TEAD1: variants seen among roughly 807,000 people sequenced by gnomAD.
The protein encoded by TEAD1 is transcriptional enhancer factor TEF-1.
Under a neutral mutation model 54.9 loss-of-function variants are expected in TEAD1, and 9 were observed. The observed-to-expected ratio is 0.16, with a 90% CI of 0.10 to 0.29. The LOEUF (loss-of-function observed/expected upper bound fraction) is 0.29, where lower values mean the gene tolerates loss of function less well. Among genes scored for constraint, TEAD1 ranks in the 10% least tolerant of loss-of-function variants. TEAD1 has a pLI of 1.00. For missense variants in TEAD1, 387 were observed against 535.9 expected (o/e 0.72, Z 2.74); for synonymous variants, 200 against 187.8 (o/e 1.07, Z -0.53).
intron 2 of TEAD1, among the ~76,000 whole-genome samples, chr11:12,763,799 T>A (rs117062206): frequency 8.9e-4 from 135 of 152,364 alleles, no homozygotes; most frequent in Non-Finnish European, 1.4e-3. Context: ...GGTTTTCGTA[T>A]GAATCACTGC....
intron 12 of TEAD1, among the ~76,000 whole-genome samples, chr11:12,931,641 T>C (rs530614268): frequency 2.0e-5 from 3 of 152,348 alleles, no homozygotes; most frequent in Non-Finnish European, 1.5e-5. Flanking sequence ...TTTATACCTT[T>C]TACCTATTTC....
chr11:12,810,606 G>A (rs1376789693), intron 3 of TEAD1, among the ~76,000 whole-genome samples: 1 of 152,036 alleles, frequency 6.6e-6, no homozygotes, highest in Non-Finnish European at 1.5e-5. Context: ...GTGACTTGAA[G>A]GTTCTGGTCT....
intron 2 of TEAD1, among the ~76,000 whole-genome samples, chr11:12,715,689 G>A (rs748866354): frequency 6.6e-6 from 1 of 152,068 alleles, no homozygotes; most frequent in Non-Finnish European, 1.5e-5. Flanking sequence ...TTGGGTTGTA[G>A]ATGGGCTTAT....
chr11:12,816,660 C>T (rs1377654944), intron 3 of TEAD1, among the ~76,000 whole-genome samples: 3 of 152,170 alleles, frequency 2.0e-5, no homozygotes, highest in Non-Finnish European at 4.4e-5. Flanking sequence ...TTGCTATACA[C>T]AAGCCAGGTA....
intron 2 of TEAD1, among the ~76,000 whole-genome samples, chr11:12,723,563 A>G (rs961386956): frequency 6.6e-6 from 1 of 152,220 alleles, no homozygotes; most frequent in African/African-American, 2.4e-5. Flanking sequence ...TTTGGAGAGT[A>G]GCGGGGCTTT....
rs138922718 is a variant in TEAD1, at chr11:12,685,552, A to G, written c.-55+9991A>G. Among the ~76,000 whole-genome samples, 85 of 152,340 alleles carry G rather than the reference A, an allele frequency of 5.6e-4. 1 individual carries two copies. The highest frequency in any genetic ancestry group is 1.9e-3 in the African/African-American group (79 of 41,586). On this transcript the variant is annotated intron_variant, in intron 2 of 12. Coordinates refer to ENST00000527636, the MANE Select transcript of TEAD1 (RefSeq NM_021961.6). ...ATCGAGTGATTAAAAACTGATAATC[A>G]GACCTAATAAGAAGAGTTTCTACCA... is the stretch of plus-strand genomic sequence containing the variant.
chr11:12,865,112 T>TGTGTGTGC (rs1161841141), intron 5 of TEAD1: 1 of 629,262 alleles, frequency 1.6e-6, no homozygotes, highest in African/African-American at 1.8e-5. Context: ...TGTTTGCGTG[T>TGTGTGTGC]GTGTGTGCGT....
At chr11:12,722,485 A>C (rs1158629184) in intron 2 of TEAD1, among the ~76,000 whole-genome samples, 1 of 152,120 alleles carries the variant, frequency 6.6e-6, no homozygotes, top group East Asian at 1.9e-4. Context: ...TAATGCTGAG[A>C]GATATGGTTG....
At chr11:12,778,831 G>T (rs1945486110) in intron 3 of TEAD1, among the ~76,000 whole-genome samples, 1 of 152,248 alleles carries the variant, frequency 6.6e-6, no homozygotes, top group South Asian at 2.1e-4. Flanking sequence ...GAAGCACAGA[G>T]ACCAGGATGT....
chr11:12,744,007 G>T (rs982420219), intron 2 of TEAD1, among the ~76,000 whole-genome samples: 20 of 152,200 alleles, frequency 1.3e-4, no homozygotes, highest in Non-Finnish European at 1.0e-4. Flanking sequence ...ACTGGAGGTG[G>T]TGTGGGAGAG....
At chr11:12,770,607 G>A (rs1393918835) in intron 3 of TEAD1, among the ~76,000 whole-genome samples, 3 of 152,182 alleles carry the variant, frequency 2.0e-5, no homozygotes, top group Admixed American at 6.5e-5. Flanking sequence ...TATAGGTACT[G>A]TAATTATGCC....
chr11:12,865,052 G>A, intron 5 of TEAD1, 152 bp downstream of exon 5: 1 of 864,952 alleles, frequency 1.2e-6, no homozygotes. Flanking sequence ...TAATCTCTCT[G>A]TTTCTGTACT....
chr11:12,881,154 G>C, intron 7 of TEAD1, 103 bp downstream of exon 7: 2 of 1,321,984 alleles, frequency 1.5e-6, no homozygotes, highest in Non-Finnish European at 2.2e-6. Context: ...GGAGGAGAAA[G>C]GAGCATTACA....
chr11:12,735,981 G>A (rs1027311085), intron 2 of TEAD1, among the ~76,000 whole-genome samples: 3 of 152,210 alleles, frequency 2.0e-5, no homozygotes, highest in African/African-American at 7.2e-5. Context: ...TGGTCCGACA[G>A]AACTAGTACA....
chr11:12,731,713 C>T (rs151336716), intron 2 of TEAD1, among the ~76,000 whole-genome samples: 3 of 152,206 alleles, frequency 2.0e-5, no homozygotes, highest in Non-Finnish European at 4.4e-5. Flanking sequence ...GACTATAAGT[C>T]GAGGTAAACT....
chr11:12,894,080 G>A (rs1029276817), intron 9 of TEAD1, among the ~76,000 whole-genome samples: 2 of 152,212 alleles, frequency 1.3e-5, no homozygotes, highest in Non-Finnish European at 2.9e-5. Flanking sequence ...TCCTTGTTCT[G>A]TTCCAGCTTG....
chr11:12,785,405 G>A (rs1221688462), intron 3 of TEAD1, among the ~76,000 whole-genome samples: 2 of 152,180 alleles, frequency 1.3e-5, no homozygotes, highest in Non-Finnish European at 2.9e-5. Flanking sequence ...ACAGGTCCTG[G>A]GTTCCAGGGC....
chr11:12,757,862 C>T (rs1945014974), intron 2 of TEAD1, among the ~76,000 whole-genome samples: 1 of 152,260 alleles, frequency 6.6e-6, no homozygotes, highest in African/African-American at 2.4e-5. Flanking sequence ...TCACTGCTAT[C>T]TCTGCCTCCC....
intron 3 of TEAD1, among the ~76,000 whole-genome samples, chr11:12,771,416 C>T (rs1945309347): frequency 6.6e-6 from 1 of 152,190 alleles, no homozygotes; most frequent in African/African-American, 2.4e-5. Context: ...CACTAGGATG[C>T]AGGCGGTGCT....
Sources: allele counts gnomAD v4.1 joint callset (sites outside exome capture counted in the v4.1 genomes callset), GRCh38; gene constraint gnomAD v4.1.1; transcripts MANE v1.5; gene names NCBI Gene and HGNC (gene_info 2026-07-23, HGNC 2026-07-21).